Variants in ARHGAP6 observed in about 807,000 individuals in gnomAD.
The protein encoded by ARHGAP6 is rho GTPase-activating protein 6.
A neutral mutation model predicts 55.7 loss-of-function variants in ARHGAP6; 16 were observed. The ratio of observed to expected loss-of-function variants is 0.29; its 90% CI spans 0.19 to 0.44. ARHGAP6 has a LOEUF of 0.44. Ranked by LOEUF, ARHGAP6 falls within the 20% of genes least tolerant of loss-of-function variation. The pLI is 1.00. For synonymous variants in ARHGAP6, 382 were observed against 360.9 expected (o/e 1.06, Z -0.66); for missense variants, 698 against 808.9 (o/e 0.86, Z 1.66).
At position 11,665,564 on chromosome X, in the gene ARHGAP6, C is replaced by T. The variant is rs188132505; in HGVS notation, c.-736G>A. 2.6e-3 allele frequency: 293 copies of T among 113,723 alleles called. 1 individual carries two copies. The highest frequency in any genetic ancestry group is 4.5e-3 in the Non-Finnish European group (239 of 53,527). The allele number at this position is 113,723 out of a possible 1,213,427, so 9.4% of individuals were successfully genotyped here. On this transcript the variant is annotated 5_prime_UTR_variant, in exon 1 of 13. Coordinates refer to ENST00000337414, the MANE Select transcript of ARHGAP6 (RefSeq NM_013427.3). ...CCGAGCGTGCTGCGCCCGGGACCTC[C>T]AAAGACTGCGTGCCCACGGTGGGAT...
At chrX:11,578,519 G>T (rs2051628416) in intron 1 of ARHGAP6, among the ~76,000 whole-genome samples, 1 of 111,877 alleles carries the variant, frequency 8.9e-6, no homozygotes, top group South Asian at 3.7e-4. Flanking sequence ...TCATTAAAAA[G>T]TCAGGAAACA....
intron 1 of ARHGAP6, among the ~76,000 whole-genome samples, chrX:11,325,567 T>A (rs1256872277): frequency 1.8e-5 from 2 of 112,395 alleles, no homozygotes; most frequent in Admixed American, 9.4e-5. Context: ...TACAAATTTT[T>A]CTTTCAGAAA....
chrX:11,193,866 T>C, intron 3 of ARHGAP6, among the ~76,000 whole-genome samples: 1 of 113,043 alleles, frequency 8.8e-6, no homozygotes, highest in Non-Finnish European at 1.9e-5. Context: ...CAAGCAAACA[T>C]ACATCTCCTT....
At chrX:11,493,197 T>C (rs1315009108) in intron 1 of ARHGAP6, among the ~76,000 whole-genome samples, 1 of 112,626 alleles carries the variant, frequency 8.9e-6, no homozygotes. Context: ...TATCATACTA[T>C]GTATGTGTCT....
Position 11,500,641 on chromosome X carries a change from G to A in ARHGAP6, c.588+163600C>T, listed in dbSNP as rs73486526. On this transcript the variant is annotated intron_variant, in intron 1 of 12. Transcript: ENST00000337414. ...AGATGGCACCACTGCACTGTACCCC[G>A]GGAAACAGAGCCAGACTCTGTCAAA... Among the ~76,000 whole-genome samples the A allele has an allele frequency of 6.2e-3, 593 of 95,482 alleles. 8 individuals carry two copies. The highest frequency in any genetic ancestry group is 0.023 in the African/African-American group (560 of 24,387). 82.9% of individuals were successfully genotyped at this position (95,482 alleles called of 115,157 possible). A position where few individuals can be genotyped will look rare whatever the true frequency, so the allele number is the denominator to read the frequency against.
In ARHGAP6 at chrX:11,196,931, C is replaced by G; in HGVS notation, c.814G>C (p.Asp272His). The G allele has an allele frequency of 9.3e-7, 1 of 1,076,904 alleles. No individual in the cohort carries two copies. The highest frequency in any genetic ancestry group is 1.3e-6 in the Non-Finnish European group (1 of 774,118). The allele number at this position is 1,076,904 out of a possible 1,213,427, so 88.7% of individuals were successfully genotyped here. ...LDSLGKEKNK[D>H]KEFIPQAFGM... ...TGGGTACTTTACCCTTTACCTTTGTCTTTGTTTTTCTCCTTTCCTAGTGAA... is the reference window on the plus strand; with the variant it reads ...TGGGTACTTTACCCTTTACCTTTGTGTTTGTTTTTCTCCTTTCCTAGTGAA... Residue 272 changes from aspartate to histidine, a missense_variant, in exon 3 of 13, where the codon GAC (aspartate) becomes CAC (histidine). Asp to His is a moderately conservative substitution (Grantham distance 81). This residue lies in a region of ARHGAP6 where 322 missense variants were observed against 451.1 expected (regional missense o/e 0.71). Coordinates refer to ENST00000337414, the MANE Select transcript of ARHGAP6 (RefSeq NM_013427.3).
intron 1 of ARHGAP6, among the ~76,000 whole-genome samples, chrX:11,397,768 A>C (rs1459464420): frequency 2.7e-5 from 3 of 111,579 alleles, no homozygotes; most frequent in African/African-American, 9.8e-5. Flanking sequence ...ATGTAGTTCT[A>C]GGCACTCAGG....
chrX:11,582,073 A>C (rs2051673367), intron 1 of ARHGAP6, among the ~76,000 whole-genome samples: 1 of 111,834 alleles, frequency 8.9e-6, no homozygotes, highest in Admixed American at 9.6e-5. Context: ...TGTTGGTCAT[A>C]CACAGGGGTT....
intron 1 of ARHGAP6, among the ~76,000 whole-genome samples, chrX:11,313,513 T>C (rs1350489907): frequency 8.9e-6 from 1 of 111,851 alleles, no homozygotes; most frequent in Non-Finnish European, 1.9e-5. Flanking sequence ...TGGCTCCTCC[T>C]TTTTCTGGTC....
chrX:11,628,355 A>G (rs982646844), intron 1 of ARHGAP6, among the ~76,000 whole-genome samples: 3 of 112,646 alleles, frequency 2.7e-5, no homozygotes, highest in Non-Finnish European at 5.6e-5. Flanking sequence ...ACATTTGAAA[A>G]GCAACTTTTC....
In ARHGAP6 at chrX:11,664,347, C is replaced by T. The variant is rs748762390; in HGVS notation, c.482G>A (p.Gly161Glu). 3.3e-6 allele frequency: 4 copies of T among 1,210,992 alleles called. No individual in the cohort carries two copies. Among genetic ancestry groups the T allele is most frequent in the African/African-American group, 1.7e-5 (1 of 57,641 alleles). ...AGAAGCGAAGATGCCATTGGGGCCT[C>T]CCCCGGATGAACAGAGGATGCTGGA... ...SASSILCSSG[G>E]GPNGIFASPR... Residue 161 changes from glycine (G) to glutamate (E), a missense_variant, in exon 1 of 13, where the codon GGA (glycine) becomes GAA (glutamate). Gly to Glu is a moderately conservative substitution (Grantham distance 98, BLOSUM62 -2). Transcript: ENST00000337414.
intron 1 of ARHGAP6, among the ~76,000 whole-genome samples, chrX:11,647,030 G>A (rs1444635274): frequency 8.9e-6 from 1 of 112,156 alleles, no homozygotes; most frequent in African/African-American, 3.2e-5. Flanking sequence ...AACAAGATCA[G>A]TATATTCAAG....
chrX:11,594,275 T>G (rs1390068060), intron 1 of ARHGAP6, among the ~76,000 whole-genome samples: 1 of 105,944 alleles, frequency 9.4e-6, no homozygotes, highest in Non-Finnish European at 2.0e-5. Flanking sequence ...CTCCAATTTT[T>G]CATCACTCCA....
intron 2 of ARHGAP6, among the ~76,000 whole-genome samples, chrX:11,232,219 C>T (rs1224547738): frequency 8.9e-6 from 1 of 112,050 alleles, no homozygotes; most frequent in African/African-American, 3.2e-5. Flanking sequence ...CATTGTCCAG[C>T]ATTTCTTTAT....
chrX:11,310,193 G>A (rs1039094804), intron 1 of ARHGAP6, among the ~76,000 whole-genome samples: 1 of 72,732 alleles, frequency 1.4e-5, no homozygotes, highest in Non-Finnish European at 2.5e-5. Flanking sequence ...ATCACATCAC[G>A]CCCACTAGGA....
intron 1 of ARHGAP6, among the ~76,000 whole-genome samples, chrX:11,373,408 A>G (rs750162643): frequency 6.4e-4 from 71 of 111,675 alleles, no homozygotes; most frequent in East Asian, 2.5e-3. Flanking sequence ...GAGAGAGAGA[A>G]AAAAGCAAAT....
At chrX:11,453,626 T>C (rs899607165) in intron 1 of ARHGAP6, among the ~76,000 whole-genome samples, 5 of 111,075 alleles carry the variant, frequency 4.5e-5, no homozygotes, top group African/African-American at 1.6e-4. Context: ...GTACCAATAG[T>C]ATTCTCTTGA....
intron 8 of ARHGAP6, 99 bp from the exon 9 acceptor site, chrX:11,169,783 T>G (rs2046064945): frequency 1.5e-6 from 1 of 681,708 alleles, no homozygotes. Context: ...CTTTTTTTTT[T>G]TTAATCCTGC....
intron 8 of ARHGAP6, among the ~76,000 whole-genome samples, chrX:11,171,621 TAAG>T (rs983763469): frequency 1.1e-4 from 12 of 112,466 alleles, no homozygotes; most frequent in African/African-American, 3.6e-4. Flanking sequence ...ATTGTTGTAA[TAAG>T]GAATATGAAC....
Sources: allele counts gnomAD v4.1 joint callset (sites outside exome capture counted in the v4.1 genomes callset), GRCh38; gene constraint gnomAD v4.1.1; regional missense constraint gnomAD v4.1.1; transcripts MANE v1.5; gene names NCBI Gene and HGNC (gene_info 2026-07-23, HGNC 2026-07-21).